ATP13A3: variants seen among roughly 807,000 people sequenced by gnomAD.
ATP13A3 encodes ATPase 13A3, also known as polyamine-transporting ATPase 13A3.
A neutral mutation model predicts 158.1 loss-of-function variants in ATP13A3; 59 were observed. The observed-to-expected ratio is 0.37, with a 90% CI of 0.30 to 0.46. The LOEUF (loss-of-function observed/expected upper bound fraction) is 0.46. ATP13A3 is among the 20% of genes least tolerant of loss of function. The pLI is 1.00. For missense variants in ATP13A3, 1,166 were observed against 1,525.2 expected (o/e 0.76, Z 3.92); for synonymous variants, 491 against 504.3 (o/e 0.97, Z 0.35).
At chr3:194,419,563 T>C (rs1716139387) in intron 31 of ATP13A3, among the ~76,000 whole-genome samples, 2 of 152,090 alleles carry the variant, frequency 1.3e-5, no homozygotes, top group African/African-American at 2.4e-5. Context: ...AAAGGGAGCA[T>C]GTGTAGACTA....
chr3:194,494,052 G>A lies in ATP13A3; in HGVS notation n.744C>T, dbSNP rs949262611. 1.5e-5 allele frequency: 6 copies of A among 397,794 alleles called. No homozygotes were observed. The highest frequency in any genetic ancestry group is 1.1e-4 in the East Asian group (3 of 28,082). The allele number at this position is 397,794 out of a possible 1,614,324, so 24.6% of individuals were successfully genotyped here. On this transcript the variant is annotated splice_region_variant and non_coding_transcript_exon_variant, in exon 2 of 33. Coordinates refer to the ATP13A3 transcript ENST00000687055. This position sits in a 1 kb window ranked among gnomAD's most constrained non-coding sequence, Gnocchi z 4.2. ...AAAAGAGGTGTTCAATAACTCACCC[G>A]AAAGCACAGCCAGGATTCAAACCCA...
At chr3:194,479,582 T>C (rs992553886) in intron 2 of ATP13A3, among the ~76,000 whole-genome samples, 7 of 151,160 alleles carry the variant, frequency 4.6e-5, no homozygotes, top group African/African-American at 1.7e-4. Flanking sequence ...TAAAGTAAAA[T>C]AAAATAAAAT....
Position 194,412,250 on chromosome 3 carries a change from GA to G in ATP13A3, c.3521del (p.Phe1174SerfsTer70). On this transcript the variant is annotated frameshift_variant, in exon 33 of 34. Transcript: ENST00000645319. LOFTEE classifies it high-confidence loss of function. ...GATACTCTCCTTGTTTGTCTCGGTT[GA>G]ACACAACTTTCCAAAGGACCATGTC... The part of the protein sequence containing the change: ...FLDMVLWKVV[F>X]NRDKQGEYRF... The G allele has an allele frequency of 6.5e-7, 1 of 1,536,442 alleles. No homozygotes were observed. Among genetic ancestry groups the G allele is most frequent in the Non-Finnish European group, 8.7e-7 (1 of 1,146,980 alleles).
chr3:194,453,428 A>T (rs1183304566), intron 10 of ATP13A3, among the ~76,000 whole-genome samples: 2 of 41,704 alleles, frequency 4.8e-5, no homozygotes, highest in Non-Finnish European at 7.4e-5. Context: ...CCCTGTCTCT[A>T]AAAAAAAAAA....
At chr3:194,463,362 G>A (rs1719790904) in intron 2 of ATP13A3, among the ~76,000 whole-genome samples, 2 of 149,834 alleles carry the variant, frequency 1.3e-5, no homozygotes, top group Non-Finnish European at 3.0e-5. Flanking sequence ...GATGTAAAAC[G>A]ATGCCAGTTT....
In ATP13A3 at chr3:194,486,747, C is replaced by A. The variant is rs1720998859; in HGVS notation, c.-270G>T. On this transcript the variant is annotated 5_prime_UTR_variant, in exon 1 of 34. Coordinates refer to ENST00000645319, the MANE Select transcript of ATP13A3 (RefSeq NM_001367549.1). Reference sequence around the variant, plus strand: ...GGCTCAGGGTGAGGGAAGGAGGCGCCGCGGCGGGGCCGGGCCGGCCCTGGG... The same window carrying A: ...GGCTCAGGGTGAGGGAAGGAGGCGCAGCGGCGGGGCCGGGCCGGCCCTGGG... The A allele has an allele frequency of 6.6e-6, 1 of 150,466 alleles. No homozygotes were observed. Among genetic ancestry groups the A allele is most frequent in the Non-Finnish European group, 1.5e-5 (1 of 67,492 alleles). The allele number at this position is 150,466 out of a possible 1,614,324, so 9.3% of individuals were successfully genotyped here.
At chr3:194,446,012 T>C (rs1171294797) in intron 14 of ATP13A3, among the ~76,000 whole-genome samples, 2 of 151,956 alleles carry the variant, frequency 1.3e-5, no homozygotes, top group African/African-American at 4.8e-5. Flanking sequence ...TAAATATATA[T>C]GTATGGAGCC....
chr3:194,432,638 GC>G (rs1717310466), intron 21 of ATP13A3, among the ~76,000 whole-genome samples: 2 of 152,142 alleles, frequency 1.3e-5, no homozygotes, highest in South Asian at 4.1e-4. Context: ...CAAAGAAGAC[GC>G]AAGAACTAAG....
Position 194,494,310 on chromosome 3 carries a change from A to T in ATP13A3, n.516-30T>A. The T allele has an allele frequency of 2.5e-6, 1 of 398,482 alleles. No individual in the cohort carries two copies. The highest frequency in any genetic ancestry group is 3.6e-5 in the East Asian group (1 of 28,076). The allele number at this position is 398,482 out of a possible 1,614,324, so 24.7% of individuals were successfully genotyped here. On this transcript the variant is annotated intron_variant and non_coding_transcript_variant, in intron 1 of 32. Coordinates refer to the ATP13A3 transcript ENST00000687055. The surrounding 1 kb of genome is among the most constrained non-coding windows in gnomAD (Gnocchi z 4.2). The stretch of plus-strand genomic sequence containing the variant: ...GTAAGTGGAGAACAAGTTAACATTG[A>T]TTTTCACAACCACGATGTCAGACTA...
At chr3:194,465,038 G>GACAAAAGGGATCATATTTGCCCTTCTGCC (rs1440797509) in intron 2 of ATP13A3, among the ~76,000 whole-genome samples, 3 of 152,142 alleles carry the variant, frequency 2.0e-5, no homozygotes, top group African/African-American at 7.2e-5. Flanking sequence ...ACCAAGTTGA[G>GACAAAAGGGATCATATTTGCCCTTCTGCC]ACAAAAGGGA....
At position 194,405,385 on chromosome 3, in the gene ATP13A3, T is replaced by C. The variant is rs1442562550; in HGVS notation, c.*534A>G. On this transcript the variant is annotated 3_prime_UTR_variant, in exon 34 of 34. Transcript: ENST00000645319. Reference sequence around the variant, plus strand: ...CTAACTCTAGACCATCATAGGGAATTGGCATATGTTTATACAGAATTCTTT... The same window carrying C: ...CTAACTCTAGACCATCATAGGGAATCGGCATATGTTTATACAGAATTCTTT... 6.5e-6 allele frequency: 1 copy of C among 153,998 alleles called. No homozygotes were observed. The highest frequency in any genetic ancestry group is 1.4e-5 in the Non-Finnish European group (1 of 69,300). 9.5% of individuals were successfully genotyped at this position (153,998 alleles called of 1,614,324 possible).
At position 194,463,520 on chromosome 3, in the gene ATP13A3, C is replaced by T. The variant is rs1036981802; in HGVS notation, c.-46-1284G>A. On this transcript the variant is annotated intron_variant, in intron 2 of 33. Transcript: ENST00000645319. ...CACATAAATAAAAGCTCTTTAGCATCCACAAAAATTTTCAAGAAGGTAAAT... is the reference window on the plus strand; with the variant it reads ...CACATAAATAAAAGCTCTTTAGCATTCACAAAAATTTTCAAGAAGGTAAAT... 4.6e-5 allele frequency among the ~76,000 whole-genome samples: 7 copies of T among 152,000 alleles called. No individual in the cohort carries two copies. In the East Asian group the frequency reaches 1.4e-3, roughly 29 times the overall value.
At chr3:194,489,183 G>A (rs546300104), upstream of ATP13A3, among the ~76,000 whole-genome samples, 11 of 152,326 alleles carry the variant, frequency 7.2e-5, no homozygotes, top group Admixed American at 7.2e-4. The surrounding 1 kb of genome is among the most constrained non-coding windows in gnomAD (Gnocchi z 4.1). Context: ...AGTGGCTCAT[G>A]CCTGTAATCC....
chr3:194,447,240 G>A (rs561864139), intron 13 of ATP13A3, 125 bp from the exon 14 acceptor site: 19 of 739,330 alleles, frequency 2.6e-5, no homozygotes, highest in Non-Finnish European at 3.7e-5. Flanking sequence ...GTATGTGTGT[G>A]TATATACATA....
At chr3:194,476,578 T>C (rs984458889) in intron 2 of ATP13A3, among the ~76,000 whole-genome samples, 1 of 152,132 alleles carries the variant, frequency 6.6e-6, no homozygotes, top group African/African-American at 2.4e-5. Flanking sequence ...CCTTCTCAAA[T>C]CCACCTCACC....
intron 6 of ATP13A3, 136 bp downstream of exon 6, chr3:194,459,335 A>G: frequency 1.5e-6 from 1 of 665,250 alleles, no homozygotes; most frequent in South Asian, 1.8e-5. Context: ...AGCAACAGGG[A>G]GTTGTTAATT....
At chr3:194,453,598 CA>C in intron 10 of ATP13A3, 107 bp downstream of exon 10, 2 of 828,728 alleles carry the variant, frequency 2.4e-6, no homozygotes, top group Non-Finnish European at 3.8e-6. Context: ...CTGACTCAAT[CA>C]ATCAATCAAT....
rs1373274300 is a variant in ATP13A3, at chr3:194,431,090, C to T, written c.2544+14G>A. 3.1e-6 allele frequency: 5 copies of T among 1,613,214 alleles called. No individual in the cohort carries two copies. The East Asian group carries it at 6.7e-5, about 22-fold the overall frequency. On this transcript the variant is annotated intron_variant, in intron 23 of 33. Transcript: ENST00000645319. Reference sequence around the variant, plus strand: ...GCATTCATGTGAGCACACACATACACCCAAATTACTTACCTTAGGAACAAG... The same window carrying T: ...GCATTCATGTGAGCACACACATACATCCAAATTACTTACCTTAGGAACAAG...
chr3:194,435,871 CACTCCAG>C lies in ATP13A3; in HGVS notation c.2120+1217_2120+1223del, dbSNP rs567179358. Among the ~76,000 whole-genome samples the C allele has an allele frequency of 4.4e-3, 669 of 152,176 alleles. 3 individuals are homozygous for C. The highest frequency in any genetic ancestry group is 0.024 in the Middle Eastern group (7 of 294). On this transcript the variant is annotated intron_variant, in intron 20 of 33. Transcript: ENST00000645319. ...ATGGTGAACTGACATCGTGCCACTG[CACTCCAG>C]CCTGGGCAACAGAGCGAGACTCCGT...
Sources: allele counts gnomAD v4.1 joint callset (sites outside exome capture counted in the v4.1 genomes callset), GRCh38; gene constraint gnomAD v4.1.1; non-coding constraint Gnocchi (gnomAD v3.1); transcripts MANE v1.5; gene names NCBI Gene and HGNC (gene_info 2026-07-23, HGNC 2026-07-21).